The following LARP1B variants were observed in gnomAD, a reference collection of about 807,000 sequenced individuals.
LARP1B encodes La ribonucleoprotein 1B.
LARP1B carries 76 observed loss-of-function variants against 114.2 expected under a neutral mutation model. The ratio of observed to expected loss-of-function variants is 0.67; its 90% CI spans 0.55 to 0.81. LARP1B has a LOEUF of 0.81. Ranked by LOEUF, LARP1B falls within the 30% of genes least tolerant of loss-of-function variation. The pLI is 0.00. For synonymous variants in LARP1B, 345 were observed against 348.0 expected (o/e 0.99, Z 0.10); for missense variants, 1,014 against 1,075.8 (o/e 0.94, Z 0.80).
chr4:128,081,406 A>G (rs1770364735), intron 4 of LARP1B, among the ~76,000 whole-genome samples: 2 of 135,138 alleles, frequency 1.5e-5, no homozygotes, highest in Non-Finnish European at 3.1e-5. Context: ...TTTGAGATAT[A>G]GATATTGGAC....
intron 1 of LARP1B, among the ~76,000 whole-genome samples, chr4:128,068,722 T>C (rs1417741023): frequency 1.3e-5 from 2 of 152,114 alleles, no homozygotes; most frequent in Non-Finnish European, 2.9e-5. Context: ...TTCCTTTTTT[T>C]CCCTCTTTTA....
At chr4:128,186,925 C>T (rs1046072601) in intron 15 of LARP1B, among the ~76,000 whole-genome samples, 4 of 152,182 alleles carry the variant, frequency 2.6e-5, no homozygotes, top group Non-Finnish European at 5.9e-5. Flanking sequence ...TCAGAGGGTG[C>T]AAACCATAAA....
rs998921741 is a variant in LARP1B, at chr4:128,176,569, C to T, written c.1649-303C>T. ...TCGGCCTCCCAAAGTGCTGGGATTA[C>T]AGGCGTGAGCCACTGCACCTGGCCA... On this transcript the variant is annotated intron_variant, in intron 12 of 19. Coordinates refer to ENST00000326639, the MANE Select transcript of LARP1B (RefSeq NM_018078.4). 6.6e-5 allele frequency among the ~76,000 whole-genome samples: 10 copies of T among 152,204 alleles called. No individual in the cohort carries two copies. The East Asian group carries it at 1.2e-3, about 18-fold the overall frequency.
chr4:128,098,292 G>A lies in LARP1B; in HGVS notation c.775G>A (p.Val259Ile). The change falls in exon 8 of 20, where the codon GTT becomes ATT. Residue 259 changes from valine to isoleucine, a missense_variant. Transcript: ENST00000326639. ...TTCCCTGATTGCTGGTTTTCAGCGT[G>A]TTCAGGCTCTCACTACAAACCTTAA... ...PISLIAGFQR[V>I]QALTTNLNLI... 6.2e-7 allele frequency: 1 copy of A among 1,613,856 alleles called. No individual in the cohort carries two copies. The highest frequency in any genetic ancestry group is 8.5e-7 in the Non-Finnish European group (1 of 1,179,836).
Position 128,098,747 on chromosome 4 carries a change from G to GTGTGTA in LARP1B, c.813+418_813+419insGTGTAT. On this transcript the variant is annotated intron_variant, in intron 8 of 19. Coordinates refer to ENST00000326639, the MANE Select transcript of LARP1B (RefSeq NM_018078.4). ...AGCATGTGTTCCTGTATATGTATGT[G>GTGTGTA]TATATATATATATATATATATTTTT... is the stretch of plus-strand genomic sequence containing the variant. 3.5e-3 allele frequency among the ~76,000 whole-genome samples: 55 copies of GTGTGTA among 15,560 alleles called. 6 individuals are homozygous for GTGTGTA. The highest frequency in any genetic ancestry group is 0.05 in the Middle Eastern group (1 of 20). The allele number at this position is 15,560 out of a possible 152,430, so 10.2% of individuals were successfully genotyped here.
At chr4:128,062,141 T>A (rs1760386287) in intron 1 of LARP1B, 1 of 985,230 alleles carries the variant, frequency 1.0e-6, no homozygotes, top group South Asian at 4.7e-5. Flanking sequence ...GGGAAATCCC[T>A]GGACCAAAAA....
chr4:128,206,568 A>T (rs1381430504), intron 18 of LARP1B, 31 bp downstream of exon 18: 2 of 1,578,382 alleles, frequency 1.3e-6, no homozygotes. Flanking sequence ...CTTGTACTCT[A>T]ATTGGAAATT....
chr4:128,211,456 AT>A lies in LARP1B; in HGVS notation c.*1404del. The A allele has an allele frequency of 2.2e-6, 2 of 918,992 alleles. No homozygotes were observed. The highest frequency in any genetic ancestry group is 2.6e-6 in the Non-Finnish European group (2 of 769,580). The allele number at this position is 918,992 out of a possible 1,614,324, so 56.9% of individuals were successfully genotyped here. A position where few individuals can be genotyped will look rare whatever the true frequency, so the allele number is the denominator to read the frequency against. On this transcript the variant is annotated 3_prime_UTR_variant, in exon 20 of 20. Transcript: ENST00000326639. ...ATAGGTTTTCATTAAGTTATTTCTC[AT>A]GATAAGTAATAATCAGCAGTTTTAT...
At chr4:128,172,182 G>A (rs1354235639) in intron 12 of LARP1B, among the ~76,000 whole-genome samples, 2 of 151,250 alleles carry the variant, frequency 1.3e-5, no homozygotes, top group Non-Finnish European at 2.9e-5. Context: ...CTGTTGTTGA[G>A]GTTGCTTTTC....
chr4:128,100,335 C>T (rs866949068), intron 8 of LARP1B, among the ~76,000 whole-genome samples: 3 of 141,500 alleles, frequency 2.1e-5, no homozygotes, highest in South Asian at 2.4e-4. Context: ...TGTTCTGGTG[C>T]GATCTTGGCT....
chr4:128,163,520 G>GT (rs1290730975), intron 12 of LARP1B, among the ~76,000 whole-genome samples: 3 of 151,964 alleles, frequency 2.0e-5, no homozygotes, highest in Non-Finnish European at 4.4e-5. Context: ...TAATCATTAC[G>GT]TCTTACCTTA....
intron 7 of LARP1B, among the ~76,000 whole-genome samples, chr4:128,097,225 CAAAG>C (rs576211696): frequency 2.6e-5 from 4 of 152,164 alleles, no homozygotes; most frequent in African/African-American, 9.6e-5. Context: ...GTCTGTCTAT[CAAAG>C]AAAGAAGCAT....
At chr4:128,159,071 G>C (rs1265063294) in intron 11 of LARP1B, among the ~76,000 whole-genome samples, 1 of 151,654 alleles carries the variant, frequency 6.6e-6, no homozygotes, top group Non-Finnish European at 1.5e-5. Flanking sequence ...CCAGCTACAG[G>C]TTGAGGTGGG....
intron 11 of LARP1B, among the ~76,000 whole-genome samples, chr4:128,152,365 A>C (rs957268992): frequency 1.3e-5 from 2 of 151,402 alleles, no homozygotes; most frequent in Non-Finnish European, 2.9e-5. Context: ...CACCACGCCC[A>C]GCTAATTTTT....
At position 128,122,172 on chromosome 4, in the gene LARP1B, AAC is replaced by A; in HGVS notation, c.1514_1515del (p.Thr505SerfsTer7). 1.2e-6 allele frequency: 2 copies of A among 1,613,976 alleles called. No individual in the cohort carries two copies. The highest frequency in any genetic ancestry group is 4.5e-5 in the East Asian group (2 of 44,866). On this transcript the variant is annotated frameshift_variant, in exon 11 of 20. Coordinates refer to ENST00000326639, the MANE Select transcript of LARP1B (RefSeq NM_018078.4). LOFTEE classifies it high-confidence loss of function. ...CTATGGATGGAAGAAGATGAAAACA[AAC>A]ACACAGCCATAAAGGTAATTGTTTC...
chr4:128,173,415 G>T (rs1744662690), intron 12 of LARP1B, among the ~76,000 whole-genome samples: 2 of 152,166 alleles, frequency 1.3e-5, no homozygotes, highest in Admixed American at 1.3e-4. Flanking sequence ...AAAACCTGAA[G>T]TGCCAGTTCT....
At chr4:128,112,677 T>A (rs997472985) in intron 9 of LARP1B, among the ~76,000 whole-genome samples, 1 of 151,680 alleles carries the variant, frequency 6.6e-6, no homozygotes, top group Non-Finnish European at 1.5e-5. Context: ...TTTTGCCATG[T>A]TGGTCAGGCT....
At chr4:128,121,482 T>A (rs760867930) in intron 10 of LARP1B, among the ~76,000 whole-genome samples, 4 of 152,220 alleles carry the variant, frequency 2.6e-5, no homozygotes, top group Non-Finnish European at 4.4e-5. Context: ...ACCAGATAAT[T>A]GGTTCTGTTT....
intron 12 of LARP1B, among the ~76,000 whole-genome samples, chr4:128,175,179 A>T (rs1260485108): frequency 6.6e-6 from 1 of 152,122 alleles, no homozygotes; most frequent in African/African-American, 2.4e-5. Context: ...TGTATTATTA[A>T]TGAAGTATAA....
Sources: allele counts gnomAD v4.1 joint callset (sites outside exome capture counted in the v4.1 genomes callset), GRCh38; gene constraint gnomAD v4.1.1; transcripts MANE v1.5; gene names NCBI Gene and HGNC (gene_info 2026-07-23, HGNC 2026-07-21).